The following STK33 variants were observed in gnomAD, a reference collection of about 807,000 sequenced individuals.
STK33 encodes serine/threonine kinase 33, also known as serine/threonine-protein kinase 33.
Under a neutral mutation model 58.0 loss-of-function variants are expected in STK33, and 52 were observed. That is an observed-to-expected ratio of 0.90 (90% CI 0.72 to 1.13). The LOEUF is 1.13. Ranked by LOEUF, STK33 falls within the 50% of genes most tolerant of loss-of-function variation. STK33 has a pLI of 0.00. For missense variants in STK33, 630 were observed against 604.2 expected (o/e 1.04, Z -0.45); for synonymous variants, 215 against 200.1 (o/e 1.07, Z -0.63).
At chr11:8,364,291 T>A in the STK33 span, among the ~76,000 whole-genome samples, 8 of 152,260 alleles carry the variant, frequency 5.3e-5, no homozygotes, top group Non-Finnish European at 1.0e-4. Flanking sequence ...ACTTCTAGCA[T>A]TATCATTTTC....
chr11:8,364,496 T>C, the STK33 span, among the ~76,000 whole-genome samples: 1 of 152,220 alleles, frequency 6.6e-6, no homozygotes, highest in Non-Finnish European at 1.5e-5. Context: ...GATTGGTCAT[T>C]GATCATGATA....
chr11:8,444,147 T>C (rs1310204936), intron 11 of STK33, among the ~76,000 whole-genome samples: 1 of 152,170 alleles, frequency 6.6e-6, no homozygotes, highest in African/African-American at 2.4e-5. Context: ...CATTGGGAGC[T>C]TTATTTATTA....
At chr11:8,517,532 A>T (rs546765869) in intron 1 of STK33, among the ~76,000 whole-genome samples, 1 of 152,202 alleles carries the variant, frequency 6.6e-6, no homozygotes, top group Non-Finnish European at 1.5e-5. Context: ...CGGTAATAAC[A>T]AACTTCTCCA....
intron 1 of STK33, among the ~76,000 whole-genome samples, chr11:8,553,237 T>C (rs182383190): frequency 1.1e-5 from 1 of 92,236 alleles, no homozygotes; most frequent in Non-Finnish European, 2.1e-5. Flanking sequence ...TGTGTATATA[T>C]ATATGATATA....
chr11:8,372,298 A>G, the STK33 span, among the ~76,000 whole-genome samples: 18 of 152,162 alleles, frequency 1.2e-4, no homozygotes, highest in Non-Finnish European at 2.6e-4. Flanking sequence ...AAGGCCTTAC[A>G]AGGTCTCACT....
At chr11:8,432,477 A>G (rs750779740) in intron 14 of STK33, among the ~76,000 whole-genome samples, 1 of 152,168 alleles carries the variant, frequency 6.6e-6, no homozygotes, top group Non-Finnish European at 1.5e-5. Context: ...CCATCTAACC[A>G]CTGACTTTTT....
At chr11:8,570,457 T>C (rs1224187709) in intron 1 of STK33, among the ~76,000 whole-genome samples, 1 of 152,226 alleles carries the variant, frequency 6.6e-6, no homozygotes, top group African/African-American at 2.4e-5. Context: ...CAAAAAGCCT[T>C]ATCCAAATAT....
At chr11:8,576,221 C>G (rs1958173052) in intron 1 of STK33, among the ~76,000 whole-genome samples, 1 of 152,198 alleles carries the variant, frequency 6.6e-6, no homozygotes, top group African/African-American at 2.4e-5. Context: ...ACCACCGCCA[C>G]TGCACCCATG....
chr11:8,479,259 C>T (rs1272276160), intron 2 of STK33, among the ~76,000 whole-genome samples: 1 of 151,734 alleles, frequency 6.6e-6, no homozygotes. Context: ...GTAGAGAAAC[C>T]CCATCTCTAC....
At chr11:8,418,976 G>A (rs1216115740) in intron 14 of STK33, among the ~76,000 whole-genome samples, 13 of 151,790 alleles carry the variant, frequency 8.6e-5, no homozygotes, top group Admixed American at 8.5e-4. Context: ...TTTCCTTTTA[G>A]ACACTGGGTA....
chr11:8,463,158 G>C (rs554455208), intron 7 of STK33, among the ~76,000 whole-genome samples: 1 of 152,230 alleles, frequency 6.6e-6, no homozygotes, highest in Non-Finnish European at 1.5e-5. Context: ...CACATTTAAA[G>C]GTTAACCTAG....
At chr11:8,563,689 G>C (rs375957894) in intron 1 of STK33, among the ~76,000 whole-genome samples, 1 of 152,154 alleles carries the variant, frequency 6.6e-6, no homozygotes, top group Non-Finnish European at 1.5e-5. Context: ...AGTGAAGGAA[G>C]AGTCCTCAAG....
At chr11:8,411,859 A>G (rs1437094514) in intron 15 of STK33, among the ~76,000 whole-genome samples, 1 of 152,234 alleles carries the variant, frequency 6.6e-6, no homozygotes, top group Non-Finnish European at 1.5e-5. Context: ...CCACTGGTAT[A>G]GTTCTAGCAT....
the STK33 span, among the ~76,000 whole-genome samples, chr11:8,343,169 T>G: frequency 6.6e-6 from 1 of 152,186 alleles, no homozygotes; most frequent in African/African-American, 2.4e-5. Context: ...AGTGGGAGCG[T>G]GGGTCATGGC....
chr11:8,457,608 G>T, intron 8 of STK33, 129 bp from the exon 9 acceptor site: 1 of 809,294 alleles, frequency 1.2e-6, no homozygotes, highest in Non-Finnish European at 1.8e-6. Context: ...TATCTATTAT[G>T]TACAAGATAC....
At chr11:8,584,274 G>A (rs766482283) in intron 1 of STK33, among the ~76,000 whole-genome samples, 8 of 152,040 alleles carry the variant, frequency 5.3e-5, no homozygotes, top group East Asian at 1.9e-4. Flanking sequence ...TTCAAGGCCG[G>A]GTCCTTCAAT....
rs114198553 is a variant in STK33, at chr11:8,526,449, C to A, written c.-465-45835G>T. Among the ~76,000 whole-genome samples the A allele has an allele frequency of 6.5e-3, 994 of 152,026 alleles. 11 individuals are homozygous for A. The highest frequency in any genetic ancestry group is 0.022 in the African/African-American group (902 of 41,492). On this transcript the variant is annotated intron_variant, in intron 1 of 15. Transcript: ENST00000687296. ...GCTTTGGAAGACTATTTAGCATTAT[C>A]TATTATCTATTAAAGTTAAATATAC... is the stretch of plus-strand genomic sequence containing the variant.
intron 15 of STK33, among the ~76,000 whole-genome samples, chr11:8,400,957 T>G (rs980414436): frequency 3.3e-5 from 5 of 151,914 alleles, no homozygotes; most frequent in Non-Finnish European, 5.9e-5. Context: ...CACTGCTCAA[T>G]GAAATAAAAG....
At chr11:8,509,981 T>C (rs1373858239) in intron 1 of STK33, among the ~76,000 whole-genome samples, 1 of 152,238 alleles carries the variant, frequency 6.6e-6, no homozygotes. Flanking sequence ...GCATGTGTCT[T>C]TTTTATATAA....
Sources: gnomAD v4.1 joint callset for allele counts (sites outside exome capture counted in the v4.1 genomes callset) on GRCh38, gnomAD v4.1.1 for gene constraint, MANE v1.5 for transcripts, NCBI Gene and HGNC (gene_info 2026-07-23, HGNC 2026-07-21) for gene names.